Variants in RBFOX1 observed in about 807,000 individuals in gnomAD.
The protein encoded by RBFOX1 is RNA binding fox-1 homolog 1.
A neutral mutation model predicts 57.7 loss-of-function variants in RBFOX1; 8 were observed. The observed-to-expected ratio is 0.14, with a 90% CI of 0.08 to 0.25. The LOEUF (loss-of-function observed/expected upper bound fraction) is 0.25. Ranked by LOEUF, RBFOX1 falls within the 10% of genes least tolerant of loss-of-function variation. The pLI is 1.00. For missense variants in RBFOX1, 611 were observed against 548.5 expected, an observed-to-expected ratio of 1.11 and a Z score of -1.14; for synonymous variants, 326 against 222.4, an observed-to-expected ratio of 1.47 and a Z score of -4.15.
chr16:6,439,756 C>T (rs1396634021), intron 2 of RBFOX1, among the ~76,000 whole-genome samples: 2 of 152,080 alleles, frequency 1.3e-5, no homozygotes, highest in Admixed American at 6.5e-5. Context: ...TCTCATCTTT[C>T]CCTGGGAGAT....
intron 2 of RBFOX1, among the ~76,000 whole-genome samples, chr16:6,585,004 G>T (rs2097586668): frequency 6.6e-6 from 1 of 152,170 alleles, no homozygotes; most frequent in South Asian, 2.1e-4. Flanking sequence ...CAAAGCTGCA[G>T]GCAAGCGGAT....
At chr16:7,266,301 T>C (rs1300262537) in intron 4 of RBFOX1, among the ~76,000 whole-genome samples, 1 of 151,928 alleles carries the variant, frequency 6.6e-6, no homozygotes, top group Non-Finnish European at 1.5e-5. Context: ...TTTTAAAGTG[T>C]GTGGCACCTT....
intron 2 of RBFOX1, among the ~76,000 whole-genome samples, chr16:6,425,612 T>G (rs574143957): frequency 2.0e-5 from 3 of 152,294 alleles, no homozygotes; most frequent in Non-Finnish European, 2.9e-5. Context: ...TATTTTTTTT[T>G]TGTGAAGAAA....
At chr16:5,856,193 A>ATATATATATATATACATATATATG (rs1567630871) in intron 3 of RBFOX1, among the ~76,000 whole-genome samples, 4 of 58,062 alleles carry the variant, frequency 6.9e-5, no homozygotes, top group Admixed American at 2.5e-4. Flanking sequence ...CTCTCTATAT[A>ATATATATATATATACATATATATG]TATATATATA....
At chr16:7,299,083 G>A (rs1486896726) in intron 4 of RBFOX1, among the ~76,000 whole-genome samples, 6 of 152,280 alleles carry the variant, frequency 3.9e-5, no homozygotes, top group African/African-American at 9.6e-5. Context: ...TGAAAGATGT[G>A]CGTATTTTAG....
At chr16:5,508,571 G>A (rs2043459428) in intron 2 of RBFOX1, among the ~76,000 whole-genome samples, 1 of 151,992 alleles carries the variant, frequency 6.6e-6, no homozygotes, top group African/African-American at 2.4e-5. Flanking sequence ...CAAGATGGTG[G>A]CGGGGACTGC....
chr16:6,648,843 G>C (rs118177371), intron 2 of RBFOX1, among the ~76,000 whole-genome samples: 2,225 of 152,196 alleles, frequency 0.015, 34 homozygotes, highest in Non-Finnish European at 0.022. Flanking sequence ...TATGTAAACT[G>C]ACAAAAGTTA....
chr16:6,767,947 T>TAATAATAAAG (rs1410744665), intron 3 of RBFOX1, among the ~76,000 whole-genome samples: 23 of 101,046 alleles, frequency 2.3e-4, no homozygotes, highest in South Asian at 1.1e-3. Flanking sequence ...ATAATAATAA[T>TAATAATAAAG]AAGAAGAAGA....
intron 1 of RBFOX1, among the ~76,000 whole-genome samples, chr16:6,042,436 T>TG (rs2095447592): frequency 6.6e-6 from 1 of 152,220 alleles, no homozygotes; most frequent in Admixed American, 6.5e-5. Context: ...GTGATTATAC[T>TG]GGACCTATCC....
chr16:5,865,169 G>A (rs2057317505), intron 3 of RBFOX1, among the ~76,000 whole-genome samples: 1 of 152,158 alleles, frequency 6.6e-6, no homozygotes, highest in African/African-American at 2.4e-5. Context: ...GGGTAGTTCT[G>A]CCCAAGGCTC....
intron 1 of RBFOX1, among the ~76,000 whole-genome samples, chr16:6,054,071 A>G (rs569041922): frequency 1.8e-4 from 28 of 152,218 alleles, no homozygotes; most frequent in Admixed American, 6.5e-4. Flanking sequence ...AAGAAATTAA[A>G]TTTAAAGAAA....
rs767830099 is a variant in RBFOX1, at chr16:5,403,349, CA to C, written c.220-63849del. ...TGGGAAACAGACTGAAACGCTGTCT[CA>C]AAAAAAAAAAAAAAAAACAAAAAAC... On this transcript the variant is annotated intron_variant, in intron 1 of 2. Coordinates refer to the RBFOX1 transcript ENST00000585867. Among the ~76,000 whole-genome samples the C allele has an allele frequency of 1.0e-2, 819 of 82,258 alleles. 4 individuals carry two copies. The highest frequency in any genetic ancestry group is 0.017 in the African/African-American group (478 of 28,278). 54.0% of individuals were successfully genotyped at this position (82,258 alleles called of 152,430 possible).
At chr16:6,104,526 C>G (rs1323740845) in intron 1 of RBFOX1, among the ~76,000 whole-genome samples, 2 of 152,152 alleles carry the variant, frequency 1.3e-5, no homozygotes, top group Non-Finnish European at 2.9e-5. Context: ...ACACTGTCCT[C>G]TCCTTAAAGA....
At chr16:6,670,534 C>A (rs983674924) in intron 3 of RBFOX1, among the ~76,000 whole-genome samples, 1 of 152,064 alleles carries the variant, frequency 6.6e-6, no homozygotes, top group Non-Finnish European at 1.5e-5. Flanking sequence ...AACATACCCC[C>A]AAAGAAAGCA....
intron 5 of RBFOX1, among the ~76,000 whole-genome samples, chr16:7,567,229 C>G (rs377315395): frequency 1.7e-5 from 2 of 118,380 alleles, no homozygotes; most frequent in African/African-American, 6.2e-5. Context: ...ATATATATCC[C>G]TATATATATA....
chr16:6,892,327 A>G (rs192960888), intron 3 of RBFOX1, among the ~76,000 whole-genome samples: 51 of 152,306 alleles, frequency 3.3e-4, no homozygotes, highest in Admixed American at 3.0e-3. Flanking sequence ...AAAATAACTC[A>G]TTTGAAAAGG....
At chr16:6,187,866 T>C (rs1178023050) in intron 1 of RBFOX1, among the ~76,000 whole-genome samples, 1 of 152,192 alleles carries the variant, frequency 6.6e-6, no homozygotes, top group Non-Finnish European at 1.5e-5. Context: ...TGTTAACTGT[T>C]TGGCACATGT....
At chr16:6,805,391 G>C (rs375955024) in intron 3 of RBFOX1, among the ~76,000 whole-genome samples, 1 of 152,198 alleles carries the variant, frequency 6.6e-6, no homozygotes, top group African/African-American at 2.4e-5. Context: ...TCTCCTGGAG[G>C]ATAGAGGGTA....
intron 4 of RBFOX1, among the ~76,000 whole-genome samples, chr16:7,185,873 A>G (rs927832327): frequency 1.3e-5 from 2 of 152,154 alleles, no homozygotes; most frequent in African/African-American, 2.4e-5. Context: ...TCCCTAGATA[A>G]CAACAAACCC....
Sources: gnomAD v4.1 joint callset for allele counts (sites outside exome capture counted in the v4.1 genomes callset) on GRCh38, gnomAD v4.1.1 for gene constraint, MANE v1.5 for transcripts, NCBI Gene and HGNC (gene_info 2026-07-23, HGNC 2026-07-21) for gene names.